Variants in CDH13 observed in about 807,000 individuals in gnomAD.
The protein encoded by CDH13 is cadherin-13.
In CDH13, 24 loss-of-function variants were observed where a neutral mutation model predicts 63.8. That is an observed-to-expected ratio of 0.38 (90% CI 0.27 to 0.53). The LOEUF is 0.53. Ranked by LOEUF, CDH13 falls within the 20% of genes least tolerant of loss-of-function variation. CDH13 has a pLI of 0.85. For synonymous variants in CDH13, 503 were observed against 355.3 expected (o/e 1.42, Z -4.67); for missense variants, 1,049 against 903.1 (o/e 1.16, Z -2.07).
chr16:83,160,526 G>A (rs913196058), intron 4 of CDH13, among the ~76,000 whole-genome samples: 6 of 152,124 alleles, frequency 3.9e-5, no homozygotes, highest in Non-Finnish European at 7.3e-5. Context: ...GACCCATGAC[G>A]TATGGACGTA....
intron 6 of CDH13, among the ~76,000 whole-genome samples, chr16:83,457,593 G>C (rs1204960299): frequency 6.6e-6 from 1 of 152,034 alleles, no homozygotes. Flanking sequence ...CAACAACAAT[G>C]ACATCCACAG....
chr16:82,659,925 T>C (rs1911739691), intron 1 of CDH13, among the ~76,000 whole-genome samples: 1 of 152,020 alleles, frequency 6.6e-6, no homozygotes, highest in African/African-American at 2.4e-5. Context: ...CATTGTCAAG[T>C]GTCTCCTGGA....
At chr16:82,887,672 T>A (rs913992748) in intron 2 of CDH13, among the ~76,000 whole-genome samples, 1 of 152,084 alleles carries the variant, frequency 6.6e-6, no homozygotes, top group African/African-American at 2.4e-5. Context: ...AATACAAAAA[T>A]TAGCTGGGCG....
rs950473424 is a variant in CDH13 at position 83,799,872 on chromosome 16, G to A, written c.*4842G>A. 4 of 152,120 alleles carry A rather than the reference G, an allele frequency of 2.6e-5. No homozygotes were observed. The highest frequency in any genetic ancestry group is 1.3e-4 in the Admixed American group (2 of 15,270). 9.4% of individuals were successfully genotyped at this position (152,120 alleles called of 1,614,324 possible). Reference sequence around the variant, plus strand: ...CGTGTTCACATGAAAGCATATACAAGACATGGAGAGACAGCAAAAAATGGT... The same window carrying A: ...CGTGTTCACATGAAAGCATATACAAAACATGGAGAGACAGCAAAAAATGGT... On this transcript the variant is annotated 3_prime_UTR_variant, in exon 14 of 14. Coordinates refer to ENST00000567109, the MANE Select transcript of CDH13 (RefSeq NM_001257.5).
intron 5 of CDH13, among the ~76,000 whole-genome samples, chr16:83,246,699 GC>G (rs1342220542): frequency 6.6e-6 from 1 of 152,054 alleles, no homozygotes; most frequent in Non-Finnish European, 1.5e-5. Flanking sequence ...TGCCTTTGAG[GC>G]CCCTATGTTT....
intron 1 of CDH13, among the ~76,000 whole-genome samples, chr16:82,678,771 G>C (rs1914218802): frequency 6.6e-6 from 1 of 152,162 alleles, no homozygotes; most frequent in Non-Finnish European, 1.5e-5. Context: ...CTTTGTTCCT[G>C]AAAAAGTGTG....
At chr16:83,434,904 C>G (rs969536110) in intron 6 of CDH13, among the ~76,000 whole-genome samples, 2 of 95,680 alleles carry the variant, frequency 2.1e-5, no homozygotes, top group African/African-American at 8.5e-5. Context: ...AAATAAACCC[C>G]TATTTTATTT....
intron 3 of CDH13, among the ~76,000 whole-genome samples, chr16:83,049,601 C>A (rs112434465): frequency 0.056 from 8,533 of 152,138 alleles, 769 homozygotes; most frequent in African/African-American, 0.2. Context: ...TCCCAGAGTG[C>A]TGGGATTACA....
At chr16:83,058,820 T>A (rs1343013095) in intron 3 of CDH13, among the ~76,000 whole-genome samples, 1 of 152,204 alleles carries the variant, frequency 6.6e-6, no homozygotes, top group Admixed American at 6.5e-5. Context: ...CACGCTGACC[T>A]CACAGAAACT....
At chr16:83,192,181 C>T (rs1219053403) in intron 4 of CDH13, among the ~76,000 whole-genome samples, 1 of 152,154 alleles carries the variant, frequency 6.6e-6, no homozygotes, top group Non-Finnish European at 1.5e-5. Flanking sequence ...CCAGAGATTC[C>T]CCTTCCCATG....
chr16:83,195,603 A>G (rs953253330), intron 4 of CDH13, among the ~76,000 whole-genome samples: 1 of 150,676 alleles, frequency 6.6e-6, no homozygotes, highest in African/African-American at 2.4e-5. Context: ...TAATGAGGAA[A>G]CCCCCCGCCG....
intron 1 of CDH13, among the ~76,000 whole-genome samples, chr16:82,820,859 C>G (rs1361637388): frequency 5.3e-5 from 8 of 152,098 alleles, no homozygotes; most frequent in Admixed American, 5.2e-4. Flanking sequence ...CAACGTTTGA[C>G]TGCAAAAAAT....
In CDH13 at chr16:83,632,770, A is replaced by G. The variant is rs896279164; in HGVS notation, c.1101+30176A>G. Among the ~76,000 whole-genome samples, 4 of 43,102 alleles carry G rather than the reference A, an allele frequency of 9.3e-5. 1 individual carries two copies. Among genetic ancestry groups the G allele is most frequent in the Non-Finnish European group, 1.7e-4 (3 of 17,826 alleles). The allele number at this position is 43,102 out of a possible 152,430, so 28.3% of individuals were successfully genotyped here. A position where few individuals can be genotyped will look rare whatever the true frequency, so the allele number is the denominator to read the frequency against. ...GCAAGTTTATTAAGAAAGTAAAGGAATAAAAGAATGGCTGCTCTATAGGCA... is the reference window on the plus strand; with the variant it reads ...GCAAGTTTATTAAGAAAGTAAAGGAGTAAAAGAATGGCTGCTCTATAGGCA... On this transcript the variant is annotated intron_variant, in intron 8 of 13. Coordinates refer to ENST00000567109, the MANE Select transcript of CDH13 (RefSeq NM_001257.5).
intron 7 of CDH13, among the ~76,000 whole-genome samples, chr16:83,580,925 A>G (rs1244714502): frequency 1.3e-5 from 2 of 152,352 alleles, no homozygotes; most frequent in East Asian, 1.9e-4. Context: ...CAGAAGAGCA[A>G]TACTTAGCAT....
At chr16:83,012,794 T>C (rs1046443144) in intron 2 of CDH13, among the ~76,000 whole-genome samples, 4 of 152,196 alleles carry the variant, frequency 2.6e-5, no homozygotes, top group Non-Finnish European at 5.9e-5. Flanking sequence ...GTCCATATAT[T>C]TAAAGACTAC....
intron 3 of CDH13, among the ~76,000 whole-genome samples, chr16:83,119,446 C>T (rs2035464239): frequency 6.6e-6 from 1 of 152,140 alleles, no homozygotes; most frequent in South Asian, 2.1e-4. Flanking sequence ...AGCACTGGTA[C>T]CCCAAAATGC....
chr16:83,263,458 CA>C (rs1441050231), intron 5 of CDH13, among the ~76,000 whole-genome samples: 6 of 152,120 alleles, frequency 3.9e-5, no homozygotes, highest in Non-Finnish European at 5.9e-5. Context: ...AGAGATCTAC[CA>C]ACCACATCAC....
At chr16:83,184,968 C>T (rs757007035) in intron 4 of CDH13, among the ~76,000 whole-genome samples, 32 of 152,000 alleles carry the variant, frequency 2.1e-4, no homozygotes, top group Admixed American at 1.2e-3. Flanking sequence ...TTTAAATACA[C>T]ACTTATAAGT....
chr16:82,911,968 A>C (rs2041845750), intron 2 of CDH13, among the ~76,000 whole-genome samples: 1 of 151,840 alleles, frequency 6.6e-6, no homozygotes, highest in Non-Finnish European at 1.5e-5. Flanking sequence ...CCTGAACCTC[A>C]TGTGCTTGTG....
Sources: allele counts gnomAD v4.1 joint callset (sites outside exome capture counted in the v4.1 genomes callset), GRCh38; gene constraint gnomAD v4.1.1; transcripts MANE v1.5; gene names NCBI Gene and HGNC (gene_info 2026-07-23, HGNC 2026-07-21).